The following NRL variants were observed in gnomAD, a reference collection of about 807,000 sequenced individuals.
NRL encodes the protein neural retina leucine zipper, also known as neural retina-specific leucine zipper protein.
NRL carries 16 observed loss-of-function variants against 12.5 expected under a neutral mutation model. The observed-to-expected ratio is 1.28, with a 90% CI of 0.87 to 1.95. NRL has a LOEUF of 1.95. NRL is among the 30% of genes most tolerant of loss of function. NRL has a pLI of 0.00. For synonymous variants in NRL, 142 were observed against 150.9 expected (o/e 0.94, Z 0.43); for missense variants, 314 against 325.8 (o/e 0.96, Z 0.28).
intron 1 of NRL, chr14:24,098,581 T>C: frequency 1.2e-6 from 2 of 1,614,080 alleles, no homozygotes; most frequent in South Asian, 2.2e-5. Context: ...CAAGCATGCG[T>C]ATTATGACCC....
At position 24,094,468 on chromosome 14, in the gene NRL, C is replaced by G; in HGVS notation, c.-27-11593G>C. On this transcript the variant is annotated intron_variant, in intron 1 of 2. Coordinates refer to ENST00000561028, the MANE Select transcript of NRL (RefSeq NM_001354768.3). The surrounding 1 kb of genome is among the most constrained non-coding windows in gnomAD (Gnocchi z 4.1). ...CCCCCGGCCCGGGGCCCACCCGCAC[C>G]TTCCGCTGCGCTCGCCCCCTCGGGG... 1 of 1,508,282 alleles carries G rather than the reference C, an allele frequency of 6.6e-7. No homozygotes were observed. The highest frequency in any genetic ancestry group is 8.8e-7 in the Non-Finnish European group (1 of 1,135,586). 93.4% of individuals were successfully genotyped at this position (1,508,282 alleles called of 1,614,324 possible). A position where few individuals can be genotyped will look rare whatever the true frequency, so the allele number is the denominator to read the frequency against.
chr14:24,103,892 G>T (rs1473857553), intron 1 of NRL: 1 of 1,614,044 alleles, frequency 6.2e-7, no homozygotes, highest in Non-Finnish European at 8.5e-7. Flanking sequence ...TGACAGAGCA[G>T]GTCAACCAGG....
intron 1 of NRL, chr14:24,100,163 T>C (rs913142802): frequency 6.2e-7 from 1 of 1,614,026 alleles, no homozygotes; most frequent in African/African-American, 1.3e-5. Context: ...GACCAGCCTC[T>C]TCCACCTGGT....
chr14:24,083,375 G>C (rs1036614371), intron 1 of NRL, among the ~76,000 whole-genome samples: 4 of 152,188 alleles, frequency 2.6e-5, no homozygotes, highest in Admixed American at 1.3e-4. Context: ...AAGCACTCAG[G>C]GAAGTGCCTT....
In NRL at chr14:24,099,859, C is replaced by G. The variant is rs756405357; in HGVS notation, c.-28+14863G>C. 5 of 1,558,226 alleles carry G rather than the reference C, an allele frequency of 3.2e-6. No homozygotes were observed. The Admixed American group carries it at 8.4e-5, about 26-fold the overall frequency. ...CTGCTCCATTCCTCTGGCAGCCCAG[C>G]CACCCGAGAGACAGCCTTTCCTCAT... On this transcript the variant is annotated intron_variant, in intron 1 of 2. Transcript: ENST00000561028.
intron 1 of NRL, among the ~76,000 whole-genome samples, chr14:24,111,689 G>A (rs1345741978): frequency 2.6e-5 from 4 of 152,194 alleles, no homozygotes; most frequent in East Asian, 1.9e-4. Context: ...AAATGATTCC[G>A]TCCTGAGACT....
rs1566571088 is a variant in NRL at position 24,094,745 on chromosome 14, A to AT, written c.-27-11871dup. The AT allele has an allele frequency of 6.8e-7, 1 of 1,472,084 alleles. No individual in the cohort carries two copies. The allele number at this position is 1,472,084 out of a possible 1,614,324, so 91.2% of individuals were successfully genotyped here. A position where few individuals can be genotyped will look rare whatever the true frequency, so the allele number is the denominator to read the frequency against. On this transcript the variant is annotated intron_variant, in intron 1 of 2. Coordinates refer to ENST00000561028, the MANE Select transcript of NRL (RefSeq NM_001354768.3). This position sits in a 1 kb window ranked among gnomAD's most constrained non-coding sequence, Gnocchi z 4.1. ...CCTCTCTGCTGAGCCAGGTCTCCGC[A>AT]TATCCTCCTTTCCTTCCCAGATACC...
rs765879490 is a variant in NRL at position 24,103,769 on chromosome 14, G to A, written c.-28+10953C>T. ...CCCGAGAGACACCCATTGGGCTGGTGCCAAAGGAAGGAGCCTTGGATCTCA... is the reference window on the plus strand; with the variant it reads ...CCCGAGAGACACCCATTGGGCTGGTACCAAAGGAAGGAGCCTTGGATCTCA... On this transcript the variant is annotated intron_variant, in intron 1 of 2. Coordinates refer to ENST00000561028, the MANE Select transcript of NRL (RefSeq NM_001354768.3). 2.7e-5 allele frequency: 43 copies of A among 1,614,102 alleles called. No individual in the cohort carries two copies. The highest frequency in any genetic ancestry group is 5.0e-5 in the Admixed American group (3 of 60,008).
chr14:24,107,617 T>G (rs2037358772), intron 1 of NRL, among the ~76,000 whole-genome samples: 1 of 152,230 alleles, frequency 6.6e-6, no homozygotes, highest in Non-Finnish European at 1.5e-5. Flanking sequence ...TGCTCCCATT[T>G]AAAATTTTTT....
chr14:24,096,082 T>A (rs2036863883), intron 1 of NRL, among the ~76,000 whole-genome samples: 1 of 151,972 alleles, frequency 6.6e-6, no homozygotes, highest in African/African-American at 2.4e-5. Flanking sequence ...AAGGAAAGAA[T>A]AAACACAGCT....
intron 2 of NRL, 90 bp downstream of exon 2, chr14:24,082,378 C>G: frequency 1.3e-6 from 2 of 1,538,180 alleles, no homozygotes; most frequent in Non-Finnish European, 1.8e-6. Context: ...TGTCCCAGTC[C>G]ATAACCCCCT....
chr14:24,094,386 G>A lies in NRL; in HGVS notation c.-27-11511C>T, dbSNP rs771705182. The A allele has an allele frequency of 2.6e-6, 4 of 1,547,302 alleles. No homozygotes were observed. Among genetic ancestry groups the A allele is most frequent in the East Asian group, 2.5e-5 (1 of 40,170 alleles). On this transcript the variant is annotated intron_variant, in intron 1 of 2. Transcript: ENST00000561028. This position sits in a 1 kb window ranked among gnomAD's most constrained non-coding sequence, Gnocchi z 4.1. Reference sequence around the variant, plus strand: ...GCTCCGCTCGGTTCCTGGCCACCCCGCAGCCCCTGCCCAGGTGCCATGGCC... The same window carrying A: ...GCTCCGCTCGGTTCCTGGCCACCCCACAGCCCCTGCCCAGGTGCCATGGCC...
At chr14:24,098,959 T>C in intron 1 of NRL, 1 of 1,005,206 alleles carries the variant, frequency 9.9e-7, no homozygotes, top group Non-Finnish European at 1.5e-6. Context: ...TGCTCCCAAG[T>C]GTCTCTCCTG....
At position 24,099,283 on chromosome 14, in the gene NRL, G is replaced by A. The variant is rs756767495; in HGVS notation, c.-28+15439C>T. ...GGGCAGCTGCCGGGGACAGGGCAGG[G>A]GTGGGGCCTGGCCAGTCTGCCTCAG... On this transcript the variant is annotated intron_variant, in intron 1 of 2. Transcript: ENST00000561028. 13 of 1,535,354 alleles carry A rather than the reference G, an allele frequency of 8.5e-6. No homozygotes were observed. The South Asian group carries it at 1.4e-4, about 16-fold the overall frequency.
intron 1 of NRL, chr14:24,095,174 C>A (rs879334549): frequency 8.8e-6 from 4 of 456,116 alleles, no homozygotes; most frequent in Non-Finnish European, 1.8e-5. Flanking sequence ...TGACCCACAT[C>A]TGTCGCACAG....
Position 24,096,906 on chromosome 14 carries a change from G to A in NRL, c.-27-14031C>T, listed in dbSNP as rs780983675. ...TTCTCCTATAGGCTTAACTGGCATG[G>A]GCTGAGCCCCTTGGGCTGGCCATCA... On this transcript the variant is annotated intron_variant, in intron 1 of 2. Coordinates refer to ENST00000561028, the MANE Select transcript of NRL (RefSeq NM_001354768.3). 4 of 1,613,324 alleles carry A rather than the reference G, an allele frequency of 2.5e-6. No homozygotes were observed. In the South Asian group the frequency reaches 4.4e-5, roughly 18 times the overall value.
rs781084380 is a variant in NRL at position 24,099,648 on chromosome 14, C to A, written c.-28+15074G>T. 9.4e-5 allele frequency: 152 copies of A among 1,613,694 alleles called. No homozygotes were observed. The highest frequency in any genetic ancestry group is 1.2e-4 in the Non-Finnish European group (143 of 1,179,750). On this transcript the variant is annotated intron_variant, in intron 1 of 2. Transcript: ENST00000561028. Reference sequence around the variant, plus strand: ...TGGCAAGACCAACCTGGCTATGATGCGGCCTGCACTGCCAGGCTGGAAAGT... The same window carrying A: ...TGGCAAGACCAACCTGGCTATGATGAGGCCTGCACTGCCAGGCTGGAAAGT...
chr14:24,099,786 G>C (rs769713328), intron 1 of NRL: 5 of 1,533,070 alleles, frequency 3.3e-6, no homozygotes, highest in Non-Finnish European at 4.5e-6. Flanking sequence ...CTCCTCTCTA[G>C]TGTTCACAAT....
At chr14:24,102,613 T>C in intron 1 of NRL, 1 of 693,692 alleles carries the variant, frequency 1.4e-6, no homozygotes, top group Non-Finnish European at 2.4e-6. Flanking sequence ...CCCCTCTCTC[T>C]GCTCCTTATC....
Sources: gnomAD v4.1 joint callset for allele counts (sites outside exome capture counted in the v4.1 genomes callset) on GRCh38, gnomAD v4.1.1 for gene constraint, Gnocchi (gnomAD v3.1) non-coding constraint, MANE v1.5 for transcripts, NCBI Gene and HGNC (gene_info 2026-07-23, HGNC 2026-07-21) for gene names.